Variants in WIPF1 observed in about 807,000 individuals in gnomAD.
The protein encoded by WIPF1 is WAS/WASL-interacting protein family member 1.
A neutral mutation model predicts 35.4 loss-of-function variants in WIPF1; 13 were observed. The observed-to-expected ratio is 0.37, with a 90% confidence interval of 0.24 to 0.58. The LOEUF (loss-of-function observed/expected upper bound fraction) is 0.58. Ranked by LOEUF, WIPF1 falls within the 20% of genes least tolerant of loss-of-function variation. The pLI is 0.74. For synonymous variants in WIPF1, 267 were observed against 266.3 expected (o/e 1.00, Z -0.02); for missense variants, 591 against 667.0 (o/e 0.89, Z 1.25).
At chr2:174,650,913 A>G (rs1333927592) in intron 1 of WIPF1, among the ~76,000 whole-genome samples, 1 of 152,280 alleles carries the variant, frequency 6.6e-6, no homozygotes, top group Admixed American at 6.5e-5. Flanking sequence ...ACAGCCCTAC[A>G]GACTGGCATC....
At chr2:174,624,394 T>C (rs529711750) in intron 1 of WIPF1, among the ~76,000 whole-genome samples, 1 of 152,302 alleles carries the variant, frequency 6.6e-6, no homozygotes, top group South Asian at 2.1e-4. Flanking sequence ...TTTCCAGTCA[T>C]AACCACTGCA....
chr2:174,612,918 A>G (rs1686397490), intron 1 of WIPF1, among the ~76,000 whole-genome samples: 3 of 152,242 alleles, frequency 2.0e-5, no homozygotes, highest in African/African-American at 7.2e-5. Flanking sequence ...GAAGGCAGTG[A>G]CCGTTTCTGT....
chr2:174,590,026 C>T lies in WIPF1; in HGVS notation c.-38-4415G>A, dbSNP rs1405803840. On this transcript the variant is annotated intron_variant, in intron 1 of 7. Transcript: ENST00000679041. The surrounding 1 kb of genome is among the most constrained non-coding windows in gnomAD (Gnocchi z 4.6). ...CTTGAGCCCAGGAGTTTAAGACTAG[C>T]TTGGGCTACAAAGTGAGCCCTTTAT... Among the ~76,000 whole-genome samples the T allele has an allele frequency of 6.6e-6, 1 of 151,764 alleles. No homozygotes were observed. The highest frequency in any genetic ancestry group is 1.5e-5 in the Non-Finnish European group (1 of 67,960).
chr2:174,632,197 G>GCCA (rs765654329), intron 1 of WIPF1, among the ~76,000 whole-genome samples: 24 of 152,152 alleles, frequency 1.6e-4, no homozygotes, highest in Non-Finnish European at 2.6e-4. Flanking sequence ...AACAGGATCT[G>GCCA]TTACCTTCTG....
At chr2:174,576,863 T>C (rs1685080657) in intron 3 of WIPF1, among the ~76,000 whole-genome samples, 1 of 152,232 alleles carries the variant, frequency 6.6e-6, no homozygotes, top group South Asian at 2.1e-4. Context: ...CATGTTTGTA[T>C]TTATGAGCTT....
upstream of WIPF1, among the ~76,000 whole-genome samples, chr2:174,600,139 T>C (rs1228818587): frequency 6.6e-6 from 1 of 152,188 alleles, no homozygotes; most frequent in Non-Finnish European, 1.5e-5. Context: ...CACTTCCTGC[T>C]GTGTGGCCTG....
At position 174,562,481 on chromosome 2, in the gene WIPF1, G is replaced by A; in HGVS notation, c.*66C>T. On this transcript the variant is annotated 3_prime_UTR_variant, in exon 8 of 8. Coordinates refer to ENST00000679041, the MANE Select transcript of WIPF1 (RefSeq NM_001375834.1). ...GCACAAGGGAAGAAGCAGGGAGGAG[G>A]GTATGCAGTTCTTAGATAGCAACAG... 6.2e-7 allele frequency: 1 copy of A among 1,611,518 alleles called. No homozygotes were observed. The highest frequency in any genetic ancestry group is 8.5e-7 in the Non-Finnish European group (1 of 1,178,978).
chr2:174,600,912 CTTTTTTTTTTTTTTTTT>C (rs1157973597), upstream of WIPF1, among the ~76,000 whole-genome samples: 14 of 65,436 alleles, frequency 2.1e-4, no homozygotes, highest in Middle Eastern at 0.012. Context: ...CATAATGTTC[CTTTTTTTTTTTTTTTTT>C]TTTTTTTTTT....
chr2:174,594,938 G>C (rs1005164243), intron 1 of WIPF1, among the ~76,000 whole-genome samples: 1 of 150,654 alleles, frequency 6.6e-6, no homozygotes, highest in East Asian at 1.9e-4. Flanking sequence ...AGATTCCCAA[G>C]GCCGGAAAAG....
At chr2:174,677,549 G>GA (rs1158346471) in intron 1 of WIPF1, among the ~76,000 whole-genome samples, 5 of 152,194 alleles carry the variant, frequency 3.3e-5, no homozygotes, top group African/African-American at 9.7e-5. Context: ...ATGGAGAAGA[G>GA]AACATTTTGG....
chr2:174,571,552 A>T lies in WIPF1; in HGVS notation c.1129+124T>A. On this transcript the variant is annotated intron_variant, in intron 5 of 7. Coordinates refer to ENST00000679041, the MANE Select transcript of WIPF1 (RefSeq NM_001375834.1). The surrounding 1 kb of genome is among the most constrained non-coding windows in gnomAD (Gnocchi z 4.6). ...CGATCACACGTGTCGTGTGCCACTT[A>T]AAAGCACAAAGCAGTCTGAGTTTAC... 7.3e-7 allele frequency: 1 copy of T among 1,364,340 alleles called. No homozygotes were observed. The highest frequency in any genetic ancestry group is 1.0e-6 in the Non-Finnish European group (1 of 953,376). 84.5% of individuals were successfully genotyped at this position (1,364,340 alleles called of 1,614,324 possible). A position where few individuals can be genotyped will look rare whatever the true frequency, so the allele number is the denominator to read the frequency against.
intron 1 of WIPF1, among the ~76,000 whole-genome samples, chr2:174,660,323 G>C (rs559639334): frequency 6.6e-6 from 1 of 152,238 alleles, no homozygotes; most frequent in Admixed American, 6.5e-5. Flanking sequence ...CCCTAAGCAG[G>C]TTGCCTAAAT....
Position 174,672,249 on chromosome 2 carries a change from A to G in WIPF1, c.-39+10525T>C, listed in dbSNP as rs962993105. 3.7e-4 allele frequency among the ~76,000 whole-genome samples: 57 copies of G among 152,258 alleles called. 1 individual carries two copies. Among genetic ancestry groups the G allele is most frequent in the Non-Finnish European group, 1.0e-4 (7 of 68,048 alleles). The stretch of plus-strand genomic sequence containing the variant: ...TCAAGGTTATGCACTAATACAGAAT[A>G]AAAGTGAATATAAATGATGTGTGCT... On this transcript the variant is annotated intron_variant, in intron 1 of 8. Transcript: ENST00000272746.
At chr2:174,602,841 C>T (rs1310210311) in intron 1 of WIPF1, among the ~76,000 whole-genome samples, 1 of 152,180 alleles carries the variant, frequency 6.6e-6, no homozygotes, top group Non-Finnish European at 1.5e-5. Context: ...AGCAACCATT[C>T]CCCCTACTTA....
At chr2:174,624,800 A>AAC (rs1258765886) in intron 1 of WIPF1, among the ~76,000 whole-genome samples, 4 of 152,088 alleles carry the variant, frequency 2.6e-5, no homozygotes, top group African/African-American at 9.7e-5. Flanking sequence ...TAGGCATCTC[A>AAC]TTATTTTAAT....
intron 1 of WIPF1, chr2:174,673,605 GC>G (rs1688066170): frequency 6.6e-6 from 1 of 152,222 alleles, no homozygotes; most frequent in Non-Finnish European, 1.5e-5. Context: ...ACATCCATTT[GC>G]CTGCCTGGTC....
At chr2:174,570,871 A>G (rs181488948) in intron 5 of WIPF1, among the ~76,000 whole-genome samples, 4 of 152,362 alleles carry the variant, frequency 2.6e-5, no homozygotes, top group Admixed American at 2.0e-4. Flanking sequence ...CATAACCACT[A>G]TAAAACGCAT....
chr2:174,613,158 A>G (rs1452625893), intron 1 of WIPF1, among the ~76,000 whole-genome samples: 1 of 152,124 alleles, frequency 6.6e-6, no homozygotes, highest in African/African-American at 2.4e-5. Flanking sequence ...GTAAACTTCT[A>G]AAGTCTAAGG....
chr2:174,642,385 C>G (rs1375567198), intron 1 of WIPF1, among the ~76,000 whole-genome samples: 1 of 118,862 alleles, frequency 8.4e-6, no homozygotes, highest in Non-Finnish European at 1.6e-5. Flanking sequence ...CTCACTCTGT[C>G]GCCCAGGCTG....
Sources: gnomAD v4.1 joint callset for allele counts (sites outside exome capture counted in the v4.1 genomes callset) on GRCh38, gnomAD v4.1.1 for gene constraint, Gnocchi (gnomAD v3.1) non-coding constraint, MANE v1.5 for transcripts, NCBI Gene and HGNC (gene_info 2026-07-23, HGNC 2026-07-21) for gene names.